STT3B: variants seen among roughly 807,000 people sequenced by gnomAD.
STT3B encodes STT3 oligosaccharyltransferase complex catalytic subunit B.
In STT3B, 29 loss-of-function variants were observed where a neutral mutation model predicts 96.8. The observed-to-expected ratio is 0.30, with a 90% CI of 0.22 to 0.41. STT3B has a LOEUF of 0.41. Among genes scored for constraint, STT3B ranks in the 10% least tolerant of loss-of-function variants. The pLI is 1.00. For missense variants in STT3B, 640 were observed against 1,022.3 expected (o/e 0.63, Z 5.10); for synonymous variants, 367 against 360.0 (o/e 1.02, Z -0.22).
intron 3 of STT3B, among the ~76,000 whole-genome samples, chr3:31,585,995 A>G (rs542996803): frequency 1.3e-5 from 2 of 152,220 alleles, no homozygotes; most frequent in East Asian, 1.9e-4. Flanking sequence ...GGTTTGTGTG[A>G]TAAGTATAGG....
At chr3:31,540,450 T>C (rs961500905) in intron 1 of STT3B, among the ~76,000 whole-genome samples, 4 of 152,282 alleles carry the variant, frequency 2.6e-5, no homozygotes, top group East Asian at 3.9e-4. Context: ...TAATATTTTC[T>C]TTTGGGGTTT....
intron 2 of STT3B, among the ~76,000 whole-genome samples, chr3:31,578,668 CT>C (rs886175769): frequency 1.1e-4 from 16 of 151,412 alleles, no homozygotes; most frequent in African/African-American, 3.6e-4. Flanking sequence ...AATTATCATG[CT>C]TTTTTTTCCT....
intron 1 of STT3B, among the ~76,000 whole-genome samples, chr3:31,554,931 G>GT (rs1267713241): frequency 6.6e-6 from 1 of 152,064 alleles, no homozygotes; most frequent in African/African-American, 2.4e-5. Context: ...TATTTGATAT[G>GT]TTTGTTGGGT....
chr3:31,594,037 A>G (rs918184724), intron 3 of STT3B, among the ~76,000 whole-genome samples: 9 of 151,988 alleles, frequency 5.9e-5, no homozygotes, highest in South Asian at 2.1e-4. Context: ...CGAACATGCA[A>G]TTTTCTATTT....
chr3:31,532,982 C>A lies in STT3B; in HGVS notation c.-17C>A. 6.3e-7 allele frequency: 1 copy of A among 1,581,260 alleles called. No homozygotes were observed. Among genetic ancestry groups the A allele is most frequent in the South Asian group, 1.1e-5 (1 of 88,738 alleles). On this transcript the variant is annotated 5_prime_UTR_variant, in exon 1 of 16. Transcript: ENST00000295770. ...GGCGGCGGAGGAGGAGAGCTAGACC[C>A]GCCGCCGGGGCACAACATGGCGGAG...
intron 3 of STT3B, among the ~76,000 whole-genome samples, chr3:31,586,612 C>T (rs1575427266): frequency 6.6e-6 from 1 of 152,098 alleles, no homozygotes; most frequent in East Asian, 1.9e-4. Context: ...TTAGGTTTTT[C>T]CAACATCATG....
At chr3:31,566,666 GT>G (rs1698015167) in intron 1 of STT3B, among the ~76,000 whole-genome samples, 1 of 152,132 alleles carries the variant, frequency 6.6e-6, no homozygotes, top group Non-Finnish European at 1.5e-5. Context: ...CTTCACAGAT[GT>G]TTTAAGATAG....
rs951543657 is a variant in STT3B at position 31,553,119 on chromosome 3, A to C, written c.314+19807A>C. Among the ~76,000 whole-genome samples, 5 of 151,382 alleles carry C rather than the reference A, an allele frequency of 3.3e-5. No homozygotes were observed. In the South Asian group the frequency reaches 8.3e-4, roughly 25 times the overall value. ...TCCGTCTCAAAAAAAAAAAAAAAAA[A>C]CCAAATAAAACTTGATAGGGAGGAA... is the stretch of plus-strand genomic sequence containing the variant. On this transcript the variant is annotated intron_variant, in intron 1 of 15. Transcript: ENST00000295770.
At position 31,629,430 on chromosome 3, in the gene STT3B, T is replaced by C; in HGVS notation, c.2187+19T>C. 1 of 1,329,044 alleles carries C rather than the reference T, an allele frequency of 7.5e-7. No individual in the cohort carries two copies. Among genetic ancestry groups the C allele is most frequent in the Non-Finnish European group, 1.1e-6 (1 of 938,158 alleles). 82.3% of individuals were successfully genotyped at this position (1,329,044 alleles called of 1,614,324 possible). A position where few individuals can be genotyped will look rare whatever the true frequency, so the allele number is the denominator to read the frequency against. On this transcript the variant is annotated intron_variant, in intron 14 of 15. Transcript: ENST00000295770. ...AATGCAGGTTAGTTAAATCCATTTTTCTCTAATTTTCATTCAAAATAATGT... is the reference window on the plus strand; with the variant it reads ...AATGCAGGTTAGTTAAATCCATTTTCCTCTAATTTTCATTCAAAATAATGT...
intron 14 of STT3B, among the ~76,000 whole-genome samples, chr3:31,630,757 C>T (rs545851113): frequency 6.6e-6 from 1 of 151,592 alleles, no homozygotes; most frequent in East Asian, 1.9e-4. Context: ...GTTTGGACCT[C>T]AATTTGTGAA....
chr3:31,544,529 C>T (rs1697353966), intron 1 of STT3B, among the ~76,000 whole-genome samples: 1 of 152,036 alleles, frequency 6.6e-6, no homozygotes, highest in African/African-American at 2.4e-5. Context: ...CCTGTGAATC[C>T]TAAAACAGTA....
intron 3 of STT3B, 35 bp from the exon 4 acceptor site, chr3:31,596,763 A>C: frequency 6.6e-7 from 1 of 1,512,358 alleles, no homozygotes; most frequent in South Asian, 1.2e-5. Context: ...ACATTTGTAA[A>C]CATTTTTATT....
At chr3:31,600,005 T>C (rs1029549357) in intron 4 of STT3B, among the ~76,000 whole-genome samples, 24 of 152,264 alleles carry the variant, frequency 1.6e-4, no homozygotes, top group African/African-American at 5.3e-4. Context: ...AAAACCCGTT[T>C]TTTTATTTTC....
At chr3:31,541,571 A>G (rs949119784) in intron 1 of STT3B, among the ~76,000 whole-genome samples, 1 of 150,498 alleles carries the variant, frequency 6.6e-6, no homozygotes, top group Admixed American at 6.6e-5. Flanking sequence ...TTCAGCAATA[A>G]TTTTTTTGTT....
Position 31,619,040 on chromosome 3 carries a change from C to T in STT3B, c.1173-636C>T, listed in dbSNP as rs147673336. Among the ~76,000 whole-genome samples, 721 of 151,800 alleles carry T rather than the reference C, an allele frequency of 4.7e-3. 7 individuals are homozygous for T. Among genetic ancestry groups the T allele is most frequent in the African/African-American group, 0.016 (656 of 41,424 alleles). On this transcript the variant is annotated intron_variant, in intron 8 of 15. Transcript: ENST00000295770. Reference sequence around the variant, plus strand: ...TAATTTTTTCAGTCCTTTCCATTTCCTTCACCTGTCTCCATGCCAGCTTCA... The same window carrying T: ...TAATTTTTTCAGTCCTTTCCATTTCTTTCACCTGTCTCCATGCCAGCTTCA...
At chr3:31,617,119 C>A in intron 7 of STT3B, 44 bp downstream of exon 7, 1 of 1,361,916 alleles carries the variant, frequency 7.3e-7, no homozygotes, top group Non-Finnish European at 9.7e-7. Flanking sequence ...TCTATACAAA[C>A]AATATAAGAA....
intron 3 of STT3B, among the ~76,000 whole-genome samples, chr3:31,583,322 T>G (rs1575425866): frequency 6.6e-6 from 1 of 151,952 alleles, no homozygotes. Flanking sequence ...AAAAAAAAAA[T>G]TCAAAGTCTG....
At chr3:31,543,471 A>T (rs1697330280) in intron 1 of STT3B, among the ~76,000 whole-genome samples, 1 of 152,208 alleles carries the variant, frequency 6.6e-6, no homozygotes, top group East Asian at 1.9e-4. Context: ...GAACATAGTG[A>T]GTGCACAGTG....
chr3:31,542,706 C>T (rs145327164), intron 1 of STT3B, among the ~76,000 whole-genome samples: 145 of 152,252 alleles, frequency 9.5e-4, no homozygotes, highest in African/African-American at 3.2e-3. Flanking sequence ...CTATTTTTAA[C>T]GCCTCTAGTG....
Sources: gnomAD v4.1 joint callset for allele counts (sites outside exome capture counted in the v4.1 genomes callset) on GRCh38, gnomAD v4.1.1 for gene constraint, MANE v1.5 for transcripts, NCBI Gene and HGNC (gene_info 2026-07-23, HGNC 2026-07-21) for gene names.